Variants in GPR173 observed in about 807,000 individuals in gnomAD.
GPR173 encodes G protein-coupled receptor 173, also known as probable G protein-coupled receptor 173.
In GPR173, 2 loss-of-function variants were observed where a neutral mutation model predicts 13.9. The observed-to-expected ratio is 0.14, with a 90% CI of 0.06 to 0.45. The LOEUF (loss-of-function observed/expected upper bound fraction) is 0.45. Among genes scored for constraint, GPR173 ranks in the 20% least tolerant of loss-of-function variants. GPR173 has a pLI of 0.98. For synonymous variants in GPR173, 131 were observed against 141.0 expected, an observed-to-expected ratio of 0.93 and a Z score of 0.50; for missense variants, 202 against 340.5, an observed-to-expected ratio of 0.59 and a Z score of 3.20.
chrX:53,065,133 C>G (rs782180133), intron 1 of GPR173: 1 of 111,830 alleles, frequency 8.9e-6, no homozygotes, highest in South Asian at 3.7e-4. Context: ...GGTAAAAGCT[C>G]AAACAAAGGA....
intron 1 of GPR173, among the ~76,000 whole-genome samples, chrX:53,068,049 C>T (rs949228171): frequency 1.9e-4 from 21 of 111,197 alleles, no homozygotes; most frequent in Non-Finnish European, 3.6e-4. Context: ...ATGATATTGT[C>T]GTAATATTTT....
chrX:53,050,810 C>T (rs1237502870), intron 1 of GPR173, among the ~76,000 whole-genome samples: 2 of 111,896 alleles, frequency 1.8e-5, no homozygotes, highest in African/African-American at 6.5e-5. Flanking sequence ...GCAGGAGAAG[C>T]CCTGTGTTAA....
At chrX:53,058,835 G>A (rs1329770867) in intron 1 of GPR173, among the ~76,000 whole-genome samples, 1 of 110,509 alleles carries the variant, frequency 9.0e-6, no homozygotes, top group Non-Finnish European at 1.9e-5. Context: ...CATGTAGTTT[G>A]GTTCATATGT....
At position 53,053,026 on chromosome X, in the gene GPR173, C is replaced by T. The variant is rs181753637; in HGVS notation, c.-98+3542C>T. On this transcript the variant is annotated intron_variant, in intron 1 of 1. Transcript: ENST00000332582. ...TAAATGATTCCTCTTTATTGTGTAGCTTCTCATATGGGTGTATGAACTTGT... is the reference window on the plus strand; with the variant it reads ...TAAATGATTCCTCTTTATTGTGTAGTTTCTCATATGGGTGTATGAACTTGT... Among the ~76,000 whole-genome samples the T allele has an allele frequency of 5.1e-4, 57 of 112,127 alleles. No individual in the cohort carries two copies. In the East Asian group the frequency reaches 0.014, roughly 28 times the overall value.
At chrX:53,055,514 G>C (rs782520039) in intron 1 of GPR173, among the ~76,000 whole-genome samples, 2 of 110,448 alleles carry the variant, frequency 1.8e-5, no homozygotes, top group African/African-American at 3.3e-5. Flanking sequence ...ACGTACTTGG[G>C]TGTGGATGTG....
At position 53,074,354 on chromosome X, in the gene GPR173, A is replaced by T. The variant is rs1364859329; in HGVS notation, c.-97-2171A>T. Among the ~76,000 whole-genome samples, 24 of 68,196 alleles carry T rather than the reference A, an allele frequency of 3.5e-4. 1 individual carries two copies. The highest frequency in any genetic ancestry group is 2.9e-3 in the Admixed American group (12 of 4,190). The allele number at this position is 68,196 out of a possible 115,157, so 59.2% of individuals were successfully genotyped here. A position where few individuals can be genotyped will look rare whatever the true frequency, so the allele number is the denominator to read the frequency against. ...AATGTATATTTATATATATTTATATATATTTATATTTATTTATAAATAAAT... is the reference window on the plus strand; with the variant it reads ...AATGTATATTTATATATATTTATATTTATTTATATTTATTTATAAATAAAT... On this transcript the variant is annotated intron_variant, in intron 1 of 1. Transcript: ENST00000332582.
At chrX:53,050,960 GA>G (rs1556802613) in intron 1 of GPR173, among the ~76,000 whole-genome samples, 1 of 112,692 alleles carries the variant, frequency 8.9e-6, no homozygotes, top group African/African-American at 3.2e-5. Context: ...TGAGCCAGCA[GA>G]GGCCTGGCTT....
At chrX:53,071,264 T>A (rs1337623927) in intron 1 of GPR173, among the ~76,000 whole-genome samples, 2 of 112,587 alleles carry the variant, frequency 1.8e-5, no homozygotes, top group Admixed American at 1.9e-4. Context: ...CGTGAGCCAC[T>A]GTGCCCGGCC....
intron 1 of GPR173, among the ~76,000 whole-genome samples, chrX:53,075,789 T>G (rs1262226414): frequency 9.0e-6 from 1 of 110,523 alleles, no homozygotes; most frequent in Non-Finnish European, 1.9e-5. Context: ...TCATCATGAA[T>G]AAAGAAATCT....
intron 1 of GPR173, among the ~76,000 whole-genome samples, chrX:53,075,078 C>T (rs922026499): frequency 2.8e-5 from 3 of 106,784 alleles, no homozygotes; most frequent in Non-Finnish European, 5.8e-5. Context: ...CCTGATCTGA[C>T]CTCACCACCT....
Position 53,077,991 on chromosome X carries a change from A to C in GPR173, c.*248A>C. ...CCGCTGCCTCCTTCTCCACTTCTAC[A>C]ATCTCATTCTCTCTCTCTCTCTCTC... On this transcript the variant is annotated 3_prime_UTR_variant, in exon 2 of 2. Coordinates refer to ENST00000332582, the MANE Select transcript of GPR173 (RefSeq NM_018969.6). 2.7e-6 allele frequency: 1 copy of C among 373,921 alleles called. No individual in the cohort carries two copies. The highest frequency in any genetic ancestry group is 4.7e-6 in the Non-Finnish European group (1 of 212,676). The allele number at this position is 373,921 out of a possible 1,213,427, so 30.8% of individuals were successfully genotyped here. A position where few individuals can be genotyped will look rare whatever the true frequency, so the allele number is the denominator to read the frequency against.
In GPR173 at chrX:53,077,922, G is replaced by A. The variant is rs985836792; in HGVS notation, c.*179G>A. The A allele has an allele frequency of 9.1e-6, 4 of 440,947 alleles. No homozygotes were observed. The highest frequency in any genetic ancestry group is 1.6e-5 in the Non-Finnish European group (4 of 249,301). 36.3% of individuals were successfully genotyped at this position (440,947 alleles called of 1,213,427 possible). ...ACCTCCCAAGGATGGAGGACTGGGC[G>A]AGGGACTGGGAAAGAGGCATATTTA... On this transcript the variant is annotated 3_prime_UTR_variant, in exon 2 of 2. Transcript: ENST00000332582.
Position 53,078,404 on chromosome X carries a change from C to G in GPR173, c.*661C>G, listed in dbSNP as rs1376157309. ...CCAAGCCCAGTCTCTTCTCCCTCCC[C>G]ACCATGTCCAGACCTCCCAAATGGT... is the stretch of plus-strand genomic sequence containing the variant. On this transcript the variant is annotated 3_prime_UTR_variant, in exon 2 of 2. Transcript: ENST00000332582. 8.1e-6 allele frequency: 1 copy of G among 122,972 alleles called. No individual in the cohort carries two copies. Among genetic ancestry groups the G allele is most frequent in the East Asian group, 2.8e-4 (1 of 3,564 alleles). The allele number at this position is 122,972 out of a possible 1,213,427, so 10.1% of individuals were successfully genotyped here.
intron 1 of GPR173, among the ~76,000 whole-genome samples, chrX:53,064,431 T>A (rs1932164260): frequency 1.8e-5 from 2 of 110,276 alleles, no homozygotes; most frequent in East Asian, 5.7e-4. Flanking sequence ...TAGCTGGGCA[T>A]CCTGGTGGCA....
chrX:53,067,795 G>A (rs1178022469), intron 1 of GPR173, among the ~76,000 whole-genome samples: 24 of 91,941 alleles, frequency 2.6e-4, no homozygotes, highest in Non-Finnish European at 4.5e-4. Flanking sequence ...CTGCACTCCC[G>A]CCTGGGCGAC....
chrX:53,077,814 G>T lies in GPR173; in HGVS notation c.*71G>T. On this transcript the variant is annotated 3_prime_UTR_variant, in exon 2 of 2. Coordinates refer to ENST00000332582, the MANE Select transcript of GPR173 (RefSeq NM_018969.6). ...TGATGGGGCCAACAGCAAGGGAGGG[G>T]TAGGGGCCCATACAGGAGTCCTCCT... 1.1e-6 allele frequency: 1 copy of T among 902,845 alleles called. No homozygotes were observed. The highest frequency in any genetic ancestry group is 1.6e-6 in the Non-Finnish European group (1 of 637,052). The allele number at this position is 902,845 out of a possible 1,213,427, so 74.4% of individuals were successfully genotyped here.
intron 1 of GPR173, among the ~76,000 whole-genome samples, chrX:53,063,952 C>G (rs186917449): frequency 1.0e-3 from 114 of 111,474 alleles, no homozygotes; most frequent in Non-Finnish European, 6.2e-4. Context: ...ATGATCAGAA[C>G]CACTTGGCAA....
rs2146684523 is a variant in GPR173, at chrX:53,074,352, ATATATTTATATTTATT to A, written c.-97-2168_-97-2153del. 2.9e-5 allele frequency among the ~76,000 whole-genome samples: 2 copies of A among 69,100 alleles called. 1 individual carries two copies. Among genetic ancestry groups the A allele is most frequent in the East Asian group, 9.0e-4 (2 of 2,230 alleles). The allele number at this position is 69,100 out of a possible 115,157, so 60.0% of individuals were successfully genotyped here. On this transcript the variant is annotated intron_variant, in intron 1 of 1. Transcript: ENST00000332582. ...TAAATGTATATTTATATATATTTAT[ATATATTTATATTTATT>A]TATAAATAAATATATAAATATATAT...
intron 1 of GPR173, among the ~76,000 whole-genome samples, chrX:53,073,522 C>T (rs1160034038): frequency 2.7e-5 from 3 of 109,574 alleles, no homozygotes; most frequent in African/African-American, 9.9e-5. Context: ...CCAGATGTAC[C>T]CCCCAGGCTG....
Sources: gnomAD v4.1 joint callset for allele counts (sites outside exome capture counted in the v4.1 genomes callset) on GRCh38, gnomAD v4.1.1 for gene constraint, MANE v1.5 for transcripts, NCBI Gene and HGNC (gene_info 2026-07-23, HGNC 2026-07-21) for gene names.